Variants in PPM1L observed in about 807,000 individuals in gnomAD.
PPM1L encodes the protein protein phosphatase, Mg2+/Mn2+ dependent 1L.
In PPM1L, 13 loss-of-function variants were observed where a neutral mutation model predicts 31.4. The ratio of observed to expected loss-of-function variants is 0.41; its 90% CI spans 0.27 to 0.66. PPM1L has a LOEUF of 0.66. Among genes scored for constraint, PPM1L ranks in the 30% least tolerant of loss-of-function variants. PPM1L has a pLI of 0.29. For missense variants in PPM1L, 326 were observed against 453.7 expected (o/e 0.72, Z 2.56); for synonymous variants, 184 against 175.4 (o/e 1.05, Z -0.39).
intron 2 of PPM1L, among the ~76,000 whole-genome samples, chr3:160,973,040 T>TA (rs1716407062): frequency 6.6e-6 from 1 of 152,188 alleles, no homozygotes; most frequent in Non-Finnish European, 1.5e-5. Context: ...AAAATCACAT[T>TA]CCCCAACTTC....
intron 1 of PPM1L, among the ~76,000 whole-genome samples, chr3:160,814,700 T>C (rs1712935726): frequency 9.9e-6 from 1 of 100,802 alleles, no homozygotes; most frequent in Admixed American, 9.3e-5. Flanking sequence ...CATACGTATA[T>C]GTGTATATAT....
intron 1 of PPM1L, among the ~76,000 whole-genome samples, chr3:160,951,056 G>A (rs1715562340): frequency 6.6e-6 from 1 of 152,200 alleles, no homozygotes; most frequent in South Asian, 2.1e-4. Flanking sequence ...GATCTCAAGT[G>A]CATAGAATGT....
intron 1 of PPM1L, among the ~76,000 whole-genome samples, chr3:160,855,989 G>T (rs1711690070): frequency 6.6e-6 from 1 of 152,114 alleles, no homozygotes; most frequent in Admixed American, 6.6e-5. Flanking sequence ...GCAAGCTGAG[G>T]AGTAAGGAAG....
At position 160,891,518 on chromosome 3, in the gene PPM1L, A is replaced by G. The variant is rs1206736472; in HGVS notation, c.400-70218A>G. On this transcript the variant is annotated intron_variant, in intron 1 of 3. Transcript: ENST00000498165. ...ACAATAGATGCTGGCAAGGCTGTGG[A>G]GAACAAAGGAATGCTTTTACACTGT... Among the ~76,000 whole-genome samples the G allele has an allele frequency of 2.0e-5, 3 of 152,192 alleles. No individual in the cohort carries two copies. The East Asian group carries it at 5.8e-4, about 29-fold the overall frequency.
At chr3:161,060,819 G>A (rs1279245058) in intron 2 of PPM1L, among the ~76,000 whole-genome samples, 1 of 149,954 alleles carries the variant, frequency 6.7e-6, no homozygotes, top group African/African-American at 2.5e-5. Flanking sequence ...TTGCAATTAA[G>A]TTCTCATCTA....
intron 2 of PPM1L, among the ~76,000 whole-genome samples, chr3:160,997,350 G>A (rs913036724): frequency 1.4e-4 from 22 of 152,136 alleles, no homozygotes; most frequent in Admixed American, 5.2e-4. Flanking sequence ...GGTGGACTCT[G>A]TTCCTCACCA....
intron 1 of PPM1L, among the ~76,000 whole-genome samples, chr3:160,851,273 C>G (rs931688397): frequency 1.6e-4 from 25 of 152,134 alleles, no homozygotes; most frequent in Non-Finnish European, 2.5e-4. Context: ...TCTGTATTTA[C>G]TTAAGCAGAT....
At chr3:160,808,398 T>TGTGTGTGTGCGCGCGCGC (rs1712696568) in intron 1 of PPM1L, among the ~76,000 whole-genome samples, 2 of 148,738 alleles carry the variant, frequency 1.3e-5, no homozygotes, top group South Asian at 2.1e-4. Context: ...TGTGTGTGTG[T>TGTGTGTGTGCGCGCGCGC]GTGTGTGTGT....
intron 2 of PPM1L, among the ~76,000 whole-genome samples, chr3:161,018,248 T>G (rs1457796896): frequency 6.6e-6 from 1 of 152,184 alleles, no homozygotes; most frequent in Non-Finnish European, 1.5e-5. Flanking sequence ...GGATTTGCAT[T>G]TACACATAAA....
chr3:160,903,198 G>A (rs1277766106), intron 1 of PPM1L, among the ~76,000 whole-genome samples: 2 of 72,456 alleles, frequency 2.8e-5, no homozygotes, highest in Non-Finnish European at 6.2e-5. Context: ...TGTGTGGTAT[G>A]TGTGTATGTT....
At chr3:161,033,837 C>T (rs1309265154) in intron 2 of PPM1L, among the ~76,000 whole-genome samples, 1 of 152,142 alleles carries the variant, frequency 6.6e-6, no homozygotes, top group African/African-American at 2.4e-5. Context: ...CCCAAACTGA[C>T]AAATAAGATA....
At chr3:160,786,153 CTCTCTGTGTGTGTGTG>C (rs1203095414) in intron 1 of PPM1L, among the ~76,000 whole-genome samples, 3 of 74,188 alleles carry the variant, frequency 4.0e-5, no homozygotes, top group African/African-American at 3.2e-4. Context: ...CTCTCTCTCT[CTCTCTGTGTGTGTGTG>C]TGTGTGTGTG....
chr3:160,759,688 GAC>G (rs1337045416), intron 1 of PPM1L, among the ~76,000 whole-genome samples: 1 of 152,138 alleles, frequency 6.6e-6, no homozygotes, highest in Non-Finnish European at 1.5e-5. Context: ...GTGTTACGGT[GAC>G]ACAGAGGAGG....
intron 1 of PPM1L, among the ~76,000 whole-genome samples, chr3:160,920,615 T>TCTCTCTCACACACACA: frequency 3.5e-5 from 1 of 28,710 alleles, no homozygotes; most frequent in African/African-American, 1.0e-4. Context: ...TCTCTCTCTC[T>TCTCTCTCACACACACA]CACACACACA....
intron 2 of PPM1L, among the ~76,000 whole-genome samples, chr3:161,006,287 A>C (rs187289408): frequency 1.2e-4 from 19 of 152,366 alleles, no homozygotes; most frequent in Non-Finnish European, 2.4e-4. Flanking sequence ...TATTAATGCA[A>C]GATATGTACA....
chr3:160,992,909 C>T (rs925301715), intron 2 of PPM1L, among the ~76,000 whole-genome samples: 2 of 152,066 alleles, frequency 1.3e-5, no homozygotes, highest in African/African-American at 4.8e-5. Context: ...GAAGACAGAT[C>T]GTTCTCAAGG....
chr3:160,860,848 C>G (rs1711860648), intron 1 of PPM1L, among the ~76,000 whole-genome samples: 1 of 152,166 alleles, frequency 6.6e-6, no homozygotes, highest in Admixed American at 6.6e-5. Context: ...TCATTTATCT[C>G]TTGTCTCTTC....
chr3:161,011,131 A>G (rs888079271), intron 2 of PPM1L, among the ~76,000 whole-genome samples: 7 of 152,112 alleles, frequency 4.6e-5, no homozygotes, highest in Non-Finnish European at 8.8e-5. Flanking sequence ...GTTTTCTTCT[A>G]GGGTTTTTAT....
intron 2 of PPM1L, among the ~76,000 whole-genome samples, chr3:160,980,414 C>T (rs4679928): frequency 0.36 from 54,477 of 151,616 alleles, 10,253 homozygotes; most frequent in East Asian, 0.61. Flanking sequence ...CAGTGTCTCA[C>T]GCCTGTAATC....
Sources: allele counts gnomAD v4.1 joint callset (sites outside exome capture counted in the v4.1 genomes callset), GRCh38; gene constraint gnomAD v4.1.1; transcripts MANE v1.5; gene names NCBI Gene and HGNC (gene_info 2026-07-23, HGNC 2026-07-21).